The following PCDH11X variants were observed in gnomAD, a reference collection of about 807,000 sequenced individuals.
The protein encoded by PCDH11X is protocadherin-11 X-linked.
A neutral mutation model predicts 53.3 loss-of-function variants in PCDH11X; 18 were observed. That is an observed-to-expected ratio of 0.34 (90% confidence interval 0.23 to 0.50). The LOEUF is 0.50. PCDH11X is among the 20% of genes least tolerant of loss of function. PCDH11X has a pLI of 0.98. For missense variants in PCDH11X, 570 were observed against 1,032.4 expected (o/e 0.55, Z 6.14); for synonymous variants, 279 against 393.3 (o/e 0.71, Z 3.44).
rs1448277115 is a variant in PCDH11X, at chrX:91,979,293, A to G, written c.3033+100020A>G. On this transcript the variant is annotated intron_variant, in intron 6 of 10. Transcript: ENST00000682573. ...CTTCTGGGGTTTAAATTAACCTATA[A>G]CAATTTCATTGCTTAAGAATATTAA... Among the ~76,000 whole-genome samples, 4 of 110,171 alleles carry G rather than the reference A, an allele frequency of 3.6e-5. 1 individual carries two copies. Among genetic ancestry groups the G allele is most frequent in the African/African-American group, 1.3e-4 (4 of 30,292 alleles).
At chrX:92,462,649 A>C in intron 9 of PCDH11X, among the ~76,000 whole-genome samples, 1 of 109,765 alleles carries the variant, frequency 9.1e-6, no homozygotes, top group East Asian at 2.8e-4. Flanking sequence ...AAATTTGTAT[A>C]TTATCATAAC....
chrX:92,202,455 C>T lies in PCDH11X; in HGVS notation c.3114+1000C>T, dbSNP rs914470929. ...CTCCCTTTCCTTGCCTCTGCTGCAA[C>T]TGATTATTATTTTAGAGAGACAGTT... On this transcript the variant is annotated intron_variant, in intron 7 of 10. Coordinates refer to ENST00000682573, the MANE Select transcript of PCDH11X (RefSeq NM_032968.5). Among the ~76,000 whole-genome samples, 60 of 110,908 alleles carry T rather than the reference C, an allele frequency of 5.4e-4. 2 individuals carry two copies. The highest frequency in any genetic ancestry group is 2.0e-3 in the African/African-American group (60 of 30,484).
At chrX:91,966,228 G>T (rs2147896903) in intron 6 of PCDH11X, among the ~76,000 whole-genome samples, 1 of 109,228 alleles carries the variant, frequency 9.2e-6, no homozygotes, top group Non-Finnish European at 1.9e-5. Flanking sequence ...TAAGTTTCAA[G>T]CTTTAAGACC....
intron 8 of PCDH11X, among the ~76,000 whole-genome samples, chrX:92,368,903 A>C (rs1391753917): frequency 3.6e-5 from 4 of 109,769 alleles, no homozygotes; most frequent in Non-Finnish European, 7.6e-5. Context: ...GCCTGATGCC[A>C]GCTGGAGATC....
intron 10 of PCDH11X, among the ~76,000 whole-genome samples, chrX:92,608,726 C>T (rs1280009950): frequency 9.0e-6 from 1 of 110,850 alleles, no homozygotes; most frequent in Non-Finnish European, 1.9e-5. Context: ...AGTATAATTT[C>T]TCAACAGTTG....
Position 91,860,697 on chromosome X carries a change from C to T in PCDH11X, c.541-16084C>T, listed in dbSNP as rs1005663821. 2.7e-5 allele frequency among the ~76,000 whole-genome samples: 3 copies of T among 111,570 alleles called. No homozygotes were observed. The Admixed American group carries it at 2.8e-4, about 11-fold the overall frequency. ...AGTGTTGTTGAATTTTATTGAAGGC[C>T]TTTTCTGTGTCTATTTAGATAAGCA... On this transcript the variant is annotated intron_variant, in intron 5 of 10. Coordinates refer to ENST00000682573, the MANE Select transcript of PCDH11X (RefSeq NM_032968.5).
intron 6 of PCDH11X, among the ~76,000 whole-genome samples, chrX:92,069,920 G>T (rs2063672451): frequency 9.0e-6 from 1 of 110,843 alleles, no homozygotes; most frequent in African/African-American, 3.3e-5. Context: ...GACCTCAGGT[G>T]ATCTGCCTGC....
intron 6 of PCDH11X, among the ~76,000 whole-genome samples, chrX:92,161,814 G>T (rs1444483745): frequency 8.0e-5 from 6 of 75,068 alleles, no homozygotes; most frequent in African/African-American, 2.8e-4. Context: ...CTATTGCTGA[G>T]ACTTTCCAGT....
chrX:92,408,537 A>G (rs1217131143), intron 9 of PCDH11X, among the ~76,000 whole-genome samples: 1 of 105,379 alleles, frequency 9.5e-6, no homozygotes, highest in African/African-American at 3.5e-5. Flanking sequence ...TGCTTCATTT[A>G]TTACTATTCT....
chrX:92,185,545 A>G (rs1316241732), intron 6 of PCDH11X, among the ~76,000 whole-genome samples: 1 of 111,836 alleles, frequency 8.9e-6, no homozygotes, highest in Non-Finnish European at 1.9e-5. Context: ...TGCAAAGCAA[A>G]AGAAACAATC....
intron 10 of PCDH11X, among the ~76,000 whole-genome samples, chrX:92,484,163 ATATGTATATATATG>A (rs771351632): frequency 0.21 from 11,780 of 56,654 alleles, 864 homozygotes; most frequent in East Asian, 0.6. Flanking sequence ...ATATATGTAT[ATATGTATATATATG>A]TATGTATATA....
chrX:92,104,830 G>A (rs758748348), intron 6 of PCDH11X, among the ~76,000 whole-genome samples: 6 of 110,039 alleles, frequency 5.5e-5, no homozygotes, highest in African/African-American at 6.6e-5. Flanking sequence ...AGATTGGGGC[G>A]TGGAAATAAG....
At chrX:92,614,207 T>G (rs759330418) in intron 10 of PCDH11X, among the ~76,000 whole-genome samples, 1 of 111,612 alleles carries the variant, frequency 9.0e-6, no homozygotes, top group African/African-American at 3.3e-5. Context: ...ACTGCATTCA[T>G]ATTTTTCATA....
At chrX:92,139,542 A>G (rs1441491235) in intron 6 of PCDH11X, among the ~76,000 whole-genome samples, 1 of 109,387 alleles carries the variant, frequency 9.1e-6, no homozygotes, top group African/African-American at 3.3e-5. Flanking sequence ...GATTACAGGC[A>G]TGAGCCACCC....
chrX:92,319,291 A>G (rs1483819654), intron 8 of PCDH11X, among the ~76,000 whole-genome samples: 2 of 112,026 alleles, frequency 1.8e-5, no homozygotes, highest in Non-Finnish European at 3.8e-5. Flanking sequence ...ATGTGTGTCC[A>G]CAGTATATGT....
intron 5 of PCDH11X, among the ~76,000 whole-genome samples, chrX:91,867,580 G>T (rs1361093601): frequency 2.8e-5 from 3 of 109,029 alleles, no homozygotes; most frequent in African/African-American, 6.8e-5. Context: ...GTATGAGTCA[G>T]AGGTAAGGCC....
chrX:92,617,928 G>A (rs1928157359), intron 10 of PCDH11X, among the ~76,000 whole-genome samples: 1 of 110,588 alleles, frequency 9.0e-6, no homozygotes, highest in African/African-American at 3.3e-5. Context: ...TCCTCTCTCA[G>A]TGCTAGTTAG....
chrX:91,986,343 A>G (rs1191930731), intron 6 of PCDH11X, among the ~76,000 whole-genome samples: 3 of 112,051 alleles, frequency 2.7e-5, no homozygotes, highest in South Asian at 3.7e-4. Context: ...TAAATTATGT[A>G]TGAATCAACC....
chrX:92,240,842 T>A (rs2067251162), intron 7 of PCDH11X, among the ~76,000 whole-genome samples: 1 of 110,950 alleles, frequency 9.0e-6, no homozygotes, highest in African/African-American at 3.3e-5. Flanking sequence ...TAAACTACTT[T>A]TTTTTTTTTA....
Sources: allele counts gnomAD v4.1 joint callset (sites outside exome capture counted in the v4.1 genomes callset), GRCh38; gene constraint gnomAD v4.1.1; transcripts MANE v1.5; gene names NCBI Gene and HGNC (gene_info 2026-07-23, HGNC 2026-07-21).